STK39: variants seen among roughly 807,000 people sequenced by gnomAD.
STK39 encodes STE20/SPS1-related proline-alanine-rich protein kinase.
In STK39, 20 loss-of-function variants were observed where a neutral mutation model predicts 77.8. That is an observed-to-expected ratio of 0.26 (90% CI 0.18 to 0.37). The LOEUF (loss-of-function observed/expected upper bound fraction) is 0.37, where lower values mean the gene tolerates loss of function less well. Ranked by LOEUF, STK39 falls within the 10% of genes least tolerant of loss-of-function variation. The pLI is 1.00. For missense variants in STK39, 479 were observed against 656.5 expected (o/e 0.73, Z 2.95); for synonymous variants, 246 against 234.1 (o/e 1.05, Z -0.47).
At chr2:168,029,456 A>T (rs976351162) in intron 14 of STK39, among the ~76,000 whole-genome samples, 3 of 152,240 alleles carry the variant, frequency 2.0e-5, no homozygotes, top group South Asian at 2.1e-4. Context: ...AATGTCTTCA[A>T]CCATATGGTG....
chr2:168,004,839 C>T (rs1429897075), intron 16 of STK39, among the ~76,000 whole-genome samples: 2 of 152,014 alleles, frequency 1.3e-5, no homozygotes, highest in East Asian at 3.9e-4. Flanking sequence ...TTTCCACACT[C>T]TATGCCCAAA....
intron 5 of STK39, among the ~76,000 whole-genome samples, chr2:168,156,513 G>A (rs1292847396): frequency 6.6e-6 from 1 of 152,182 alleles, no homozygotes; most frequent in South Asian, 2.1e-4. Context: ...AGGTCAGATG[G>A]AGTGCCTAAG....
intron 14 of STK39, among the ~76,000 whole-genome samples, chr2:168,046,180 A>T (rs945844985): frequency 5.3e-5 from 8 of 152,112 alleles, no homozygotes; most frequent in Non-Finnish European, 1.0e-4. Flanking sequence ...ATCCTGGCCA[A>T]CATGGTGAAA....
At position 168,075,908 on chromosome 2, in the gene STK39, T is replaced by C. The variant is rs17177084; in HGVS notation, c.1090-677A>G. On this transcript the variant is annotated intron_variant, in intron 10 of 17. Transcript: ENST00000355999. The stretch of plus-strand genomic sequence containing the variant: ...AGCAGCCATGCTAGTGTCTAGATTA[T>C]AATCAGTCTTCCTCATTATTTCAAA... Among the ~76,000 whole-genome samples the C allele has an allele frequency of 8.3e-3, 1,267 of 152,314 alleles. 22 individuals carry two copies. Among genetic ancestry groups the C allele is most frequent in the Admixed American group, 0.032 (497 of 15,302 alleles).
At position 168,095,769 on chromosome 2, in the gene STK39, G is replaced by A. The variant is rs1686651065; in HGVS notation, c.1090-20538C>T. 2.0e-5 allele frequency among the ~76,000 whole-genome samples: 3 copies of A among 151,974 alleles called. No homozygotes were observed. The South Asian group carries it at 6.2e-4, about 32-fold the overall frequency. ...AGCCTCCCGGGTAGCTGGGACTACA[G>A]GGTATCTCTTTCTTTAATCACCAAA... On this transcript the variant is annotated intron_variant, in intron 10 of 17. Coordinates refer to ENST00000355999, the MANE Select transcript of STK39 (RefSeq NM_013233.3).
chr2:168,225,706 T>C (rs886200089), intron 1 of STK39, among the ~76,000 whole-genome samples: 2 of 152,198 alleles, frequency 1.3e-5, no homozygotes, highest in Non-Finnish European at 2.9e-5. Context: ...GAAAGTACAT[T>C]AGATCAGGAT....
chr2:167,959,647 G>A (rs570879505), intron 17 of STK39, among the ~76,000 whole-genome samples: 3 of 152,264 alleles, frequency 2.0e-5, no homozygotes, highest in African/African-American at 7.2e-5. Flanking sequence ...ATGAAGGAGG[G>A]ATTCCCACTT....
intron 14 of STK39, among the ~76,000 whole-genome samples, chr2:168,048,129 C>G (rs1574419778): frequency 9.7e-6 from 1 of 103,058 alleles, no homozygotes; most frequent in East Asian, 2.5e-4. Context: ...CAGCCAAATT[C>G]TGATTAAGAT....
intron 14 of STK39, among the ~76,000 whole-genome samples, chr2:168,038,099 T>C (rs1276449539): frequency 6.6e-6 from 1 of 152,166 alleles, no homozygotes; most frequent in Admixed American, 6.5e-5. Context: ...GGAGAAATGT[T>C]ACCTATAGTT....
chr2:168,075,972 A>G (rs1010753021), intron 10 of STK39, among the ~76,000 whole-genome samples: 1 of 152,204 alleles, frequency 6.6e-6, no homozygotes, highest in Non-Finnish European at 1.5e-5. Flanking sequence ...CCATAGGGCA[A>G]GCTTTCCCAA....
chr2:168,018,594 G>GAAAGAAAT lies in STK39; in HGVS notation c.1377-1507_1377-1500dup, dbSNP rs1553514733. Among the ~76,000 whole-genome samples, 32 of 148,336 alleles carry GAAAGAAAT rather than the reference G, an allele frequency of 2.2e-4. 1 individual carries two copies. Among genetic ancestry groups the GAAAGAAAT allele is most frequent in the South Asian group, 8.7e-4 (4 of 4,616 alleles). On this transcript the variant is annotated intron_variant, in intron 14 of 17. Transcript: ENST00000355999. The stretch of plus-strand genomic sequence containing the variant: ...AGAAAGAAAGAAAGAAAGAAAGAAA[G>GAAAGAAAT]AAAGAAATTGCAGTAGGAAACATGA...
chr2:167,973,744 G>A lies in STK39; in HGVS notation c.1499-9018C>T, dbSNP rs116493617. ...TTTTTGCCTAATTTAGAGGGTGAAA[G>A]GATTGTTTTAAATTAAGTAAGAATA... is the stretch of plus-strand genomic sequence containing the variant. On this transcript the variant is annotated intron_variant, in intron 16 of 17. Coordinates refer to ENST00000355999, the MANE Select transcript of STK39 (RefSeq NM_013233.3). 8.6e-3 allele frequency among the ~76,000 whole-genome samples: 1,310 copies of A among 152,194 alleles called. 24 individuals are homozygous for A. The highest frequency in any genetic ancestry group is 0.03 in the African/African-American group (1,246 of 41,514).
chr2:168,222,849 A>C (rs1378946739), intron 1 of STK39, among the ~76,000 whole-genome samples: 1 of 152,164 alleles, frequency 6.6e-6, no homozygotes, highest in East Asian at 1.9e-4. Context: ...TTCCATGTAA[A>C]ACAGAGACAA....
intron 1 of STK39, among the ~76,000 whole-genome samples, chr2:168,184,525 T>C (rs1689158915): frequency 8.5e-6 from 1 of 117,050 alleles, no homozygotes; most frequent in African/African-American, 4.4e-5. Context: ...GAGCATCAAG[T>C]CCAACCCACC....
chr2:167,958,028 T>C (rs760625443), intron 17 of STK39, among the ~76,000 whole-genome samples: 26 of 152,224 alleles, frequency 1.7e-4, no homozygotes, highest in Admixed American at 9.2e-4. Flanking sequence ...CTCTCACTGC[T>C]GAGTCCAGGG....
At chr2:168,188,477 T>C (rs986414690) in intron 1 of STK39, among the ~76,000 whole-genome samples, 1 of 152,244 alleles carries the variant, frequency 6.6e-6, no homozygotes, top group African/African-American at 2.4e-5. Context: ...CTAATAAAAG[T>C]TCACCACAGA....
At chr2:168,076,699 T>A (rs1409319903) in intron 10 of STK39, among the ~76,000 whole-genome samples, 3 of 152,108 alleles carry the variant, frequency 2.0e-5, no homozygotes. Context: ...AAAAAAAGCT[T>A]TTTTCTCCAA....
At chr2:168,061,449 AT>A (rs1433516450) in intron 14 of STK39, among the ~76,000 whole-genome samples, 1 of 75,632 alleles carries the variant, frequency 1.3e-5, no homozygotes, top group African/African-American at 6.5e-5. Flanking sequence ...TAATGTTAAT[AT>A]TCCTTATGAT....
At chr2:168,195,983 C>A (rs1574546259) in intron 1 of STK39, among the ~76,000 whole-genome samples, 1 of 152,304 alleles carries the variant, frequency 6.6e-6, no homozygotes, top group East Asian at 1.9e-4. Flanking sequence ...TGCCATTGCA[C>A]TCCAGCCTGG....
Sources: gnomAD v4.1 joint callset for allele counts (sites outside exome capture counted in the v4.1 genomes callset) on GRCh38, gnomAD v4.1.1 for gene constraint, MANE v1.5 for transcripts, NCBI Gene and HGNC (gene_info 2026-07-23, HGNC 2026-07-21) for gene names.